Variants in FNIP2 observed in about 807,000 individuals in gnomAD.
FNIP2 encodes folliculin interacting protein 2.
In FNIP2, 32 loss-of-function variants were observed where a neutral mutation model predicts 108.7. The ratio of observed to expected loss-of-function variants is 0.29; its 90% CI spans 0.22 to 0.40. The LOEUF (loss-of-function observed/expected upper bound fraction) is 0.40, where lower values mean the gene tolerates loss of function less well. Ranked by LOEUF, FNIP2 falls within the 10% of genes least tolerant of loss-of-function variation. FNIP2 has a pLI of 1.00. For missense variants in FNIP2, 1,202 were observed against 1,381.6 expected (o/e 0.87, Z 2.06); for synonymous variants, 480 against 496.7 (o/e 0.97, Z 0.45).
At position 158,907,660 on chromosome 4, in the gene FNIP2, C is replaced by T. The variant is rs562606685; in HGVS notation, c.*3116C>T. 2.0e-5 allele frequency: 3 copies of T among 152,266 alleles called. No individual in the cohort carries two copies. The highest frequency in any genetic ancestry group is 2.9e-5 in the Non-Finnish European group (2 of 68,014). 9.4% of individuals were successfully genotyped at this position (152,266 alleles called of 1,614,324 possible). A position where few individuals can be genotyped will look rare whatever the true frequency, so the allele number is the denominator to read the frequency against. On this transcript the variant is annotated 3_prime_UTR_variant, in exon 17 of 17. Transcript: ENST00000264433. ...AATATTTTGTTCATGCATACTTCCACGTTAAATTGAAAATGTCTTCAGCTT... is the reference window on the plus strand; with the variant it reads ...AATATTTTGTTCATGCATACTTCCATGTTAAATTGAAAATGTCTTCAGCTT...
chr4:158,884,349 T>A (rs1165116971), intron 14 of FNIP2, among the ~76,000 whole-genome samples: 1 of 152,236 alleles, frequency 6.6e-6, no homozygotes, highest in Non-Finnish European at 1.5e-5. Flanking sequence ...AAATGTGATT[T>A]ATCTCCTTGA....
At chr4:158,833,803 C>T (rs1351998464) in intron 6 of FNIP2, 175 bp downstream of exon 6, 2 of 1,521,594 alleles carry the variant, frequency 1.3e-6, no homozygotes, top group African/African-American at 1.4e-5. Context: ...ATCTCTAGGT[C>T]TGCTGCAAGC....
chr4:158,899,227 A>T (rs1346139511), intron 16 of FNIP2, among the ~76,000 whole-genome samples: 2 of 152,034 alleles, frequency 1.3e-5, no homozygotes, highest in African/African-American at 4.8e-5. Context: ...AAGCTTTTTG[A>T]TGTGCTGCTG....
intron 1 of FNIP2, among the ~76,000 whole-genome samples, chr4:158,785,195 C>T (rs771285461): frequency 6.7e-6 from 1 of 149,366 alleles, no homozygotes; most frequent in African/African-American, 2.5e-5. Context: ...AGAGATTCTC[C>T]TGCCTCAGCC....
At chr4:158,801,442 C>A (rs1362250289) in intron 1 of FNIP2, among the ~76,000 whole-genome samples, 1 of 152,134 alleles carries the variant, frequency 6.6e-6, no homozygotes, top group Non-Finnish European at 1.5e-5. Flanking sequence ...CCTCCTTAGC[C>A]CCTTCCCAGA....
intron 16 of FNIP2, among the ~76,000 whole-genome samples, chr4:158,897,300 A>G (rs542251550): frequency 2.2e-4 from 34 of 152,324 alleles, no homozygotes; most frequent in Admixed American, 1.4e-3. Flanking sequence ...TTCAGTAAAC[A>G]TACATGTGCG....
At chr4:158,785,768 G>C (rs932162199) in intron 1 of FNIP2, among the ~76,000 whole-genome samples, 2 of 146,260 alleles carry the variant, frequency 1.4e-5, no homozygotes, top group African/African-American at 5.1e-5. Flanking sequence ...TTCTATACCA[G>C]TTCCAGTTTA....
intron 1 of FNIP2, among the ~76,000 whole-genome samples, chr4:158,783,445 A>C (rs1281977299): frequency 6.6e-6 from 1 of 152,206 alleles, no homozygotes; most frequent in Non-Finnish European, 1.5e-5. Context: ...CAAGGAGAAA[A>C]TAATTGGGTC....
At chr4:158,842,851 G>A (rs1226363273) in intron 7 of FNIP2, among the ~76,000 whole-genome samples, 2 of 151,976 alleles carry the variant, frequency 1.3e-5, no homozygotes, top group Non-Finnish European at 2.9e-5. Flanking sequence ...GGCTTTTGAG[G>A]ACCCTTTAAA....
At chr4:158,867,257 A>G (rs1780636117) in intron 12 of FNIP2, among the ~76,000 whole-genome samples, 1 of 152,170 alleles carries the variant, frequency 6.6e-6, no homozygotes, top group Non-Finnish European at 1.5e-5. Flanking sequence ...CAGTGGTGCC[A>G]TCTCAGCTCA....
intron 1 of FNIP2, among the ~76,000 whole-genome samples, chr4:158,770,991 A>G (rs13116697): frequency 0.36 from 55,072 of 152,136 alleles, 10,423 homozygotes; most frequent in Middle Eastern, 0.47. Flanking sequence ...CAAAAAAAAT[A>G]TGGCTATATT....
chr4:158,884,346 AT>A (rs1369820667), intron 14 of FNIP2, among the ~76,000 whole-genome samples: 5 of 152,214 alleles, frequency 3.3e-5, no homozygotes, highest in Non-Finnish European at 5.9e-5. Context: ...AAGAAATGTG[AT>A]TTATCTCCTT....
chr4:158,848,263 C>T (rs1292212835), intron 7 of FNIP2, among the ~76,000 whole-genome samples: 1 of 152,202 alleles, frequency 6.6e-6, no homozygotes, highest in Non-Finnish European at 1.5e-5. Context: ...TTTCACCCTT[C>T]CTCCAGCTCT....
intron 14 of FNIP2, chr4:158,890,364 T>C (rs1205561651): frequency 2.0e-6 from 2 of 984,990 alleles, no homozygotes; most frequent in Non-Finnish European, 2.4e-6. Context: ...CCTTGGATAA[T>C]AGTAGGAAAA....
intron 1 of FNIP2, among the ~76,000 whole-genome samples, chr4:158,814,351 A>G (rs1347055385): frequency 6.6e-6 from 1 of 152,214 alleles, no homozygotes; most frequent in Admixed American, 6.5e-5. Flanking sequence ...CTTCCGTGTA[A>G]AACGTTATAT....
At chr4:158,792,044 C>T in intron 1 of FNIP2, among the ~76,000 whole-genome samples, 1 of 152,080 alleles carries the variant, frequency 6.6e-6, no homozygotes, top group East Asian at 1.9e-4. Context: ...GTTGAAGCTA[C>T]AGTGAGCCGT....
chr4:158,813,226 T>C (rs1406792479), intron 1 of FNIP2, among the ~76,000 whole-genome samples: 1 of 152,174 alleles, frequency 6.6e-6, no homozygotes, highest in Non-Finnish European at 1.5e-5. Flanking sequence ...CAAGTCCCTT[T>C]GCTGGATTGT....
At position 158,883,430 on chromosome 4, in the gene FNIP2, A is replaced by AT. The variant is rs1781824703; in HGVS notation, c.2950-8016_2950-8015insT. Among the ~76,000 whole-genome samples the AT allele has an allele frequency of 5.9e-5, 9 of 152,012 alleles. 1 individual carries two copies. In the South Asian group the frequency reaches 1.9e-3, roughly 32 times the overall value. On this transcript the variant is annotated intron_variant, in intron 14 of 16. Transcript: ENST00000264433. ...CTAATTTTTTGTATTTTTAGTAGAG[A>AT]CGGGGTTTCACCGTGTTAGCCAGGA...
At chr4:158,883,306 G>GGA (rs1249983477) in intron 14 of FNIP2, among the ~76,000 whole-genome samples, 1 of 151,972 alleles carries the variant, frequency 6.6e-6, no homozygotes, top group Non-Finnish European at 1.5e-5. Context: ...CAGTGGCGCA[G>GGA]TCTCGGCTCA....
Sources: allele counts gnomAD v4.1 joint callset (sites outside exome capture counted in the v4.1 genomes callset), GRCh38; gene constraint gnomAD v4.1.1; transcripts MANE v1.5; gene names NCBI Gene and HGNC (gene_info 2026-07-23, HGNC 2026-07-21).